GPATCH2: variants seen among roughly 807,000 people sequenced by gnomAD.
GPATCH2 encodes G-patch domain containing 2.
Under a neutral mutation model 58.0 loss-of-function variants are expected in GPATCH2, and 51 were observed. That is an observed-to-expected ratio of 0.88 (90% CI 0.70 to 1.11). The LOEUF (loss-of-function observed/expected upper bound fraction) is 1.11, where lower values mean the gene tolerates loss of function less well. Among genes scored for constraint, GPATCH2 ranks in the 50% most tolerant of loss-of-function variants. The pLI, the probability that GPATCH2 is intolerant of heterozygous loss-of-function variation, is 0.00. For missense variants in GPATCH2, 625 were observed against 652.2 expected, an observed-to-expected ratio of 0.96 and a Z score of 0.45; for synonymous variants, 222 against 218.5, an observed-to-expected ratio of 1.02 and a Z score of -0.14.
chr1:217,543,363 A>G (rs377716890), intron 5 of GPATCH2, among the ~76,000 whole-genome samples: 78 of 137,490 alleles, frequency 5.7e-4, no homozygotes, highest in Non-Finnish European at 9.6e-4. Context: ...TCCGCCTCCC[A>G]GGTTCACGCC....
rs552643554 is a variant in GPATCH2 at position 217,523,561 on chromosome 1, C to T, written c.1099-8672G>A. Among the ~76,000 whole-genome samples the T allele has an allele frequency of 5.3e-5, 8 of 151,766 alleles. No homozygotes were observed. In the South Asian group the frequency reaches 1.7e-3, roughly 31 times the overall value. On this transcript the variant is annotated intron_variant, in intron 5 of 9. Coordinates refer to ENST00000366935, the MANE Select transcript of GPATCH2 (RefSeq NM_018040.5). Reference sequence around the variant, plus strand: ...AGTACAGAACAAAATGAAAAGTCTCCCATGTCTACCTCTTTCTACACAGAC... The same window carrying T: ...AGTACAGAACAAAATGAAAAGTCTCTCATGTCTACCTCTTTCTACACAGAC...
At chr1:217,612,771 T>C (rs997076641) in intron 3 of GPATCH2, among the ~76,000 whole-genome samples, 2 of 152,198 alleles carry the variant, frequency 1.3e-5, no homozygotes, top group Non-Finnish European at 2.9e-5. Flanking sequence ...ATTAAGAACT[T>C]GCTCTGAAAT....
At chr1:217,489,251 G>T (rs1661602959) in intron 8 of GPATCH2, among the ~76,000 whole-genome samples, 1 of 151,788 alleles carries the variant, frequency 6.6e-6, no homozygotes, top group Non-Finnish European at 1.5e-5. Flanking sequence ...TTTAAAAAAT[G>T]GATTATTTGA....
Position 217,602,081 on chromosome 1 carries a change from T to C in GPATCH2, c.1098+8240A>G, listed in dbSNP as rs1271804746. On this transcript the variant is annotated intron_variant, in intron 5 of 9. Coordinates refer to ENST00000366935, the MANE Select transcript of GPATCH2 (RefSeq NM_018040.5). ...CATGGATCTTAGCCTCCTGATATAG[T>C]CTTAACTTGTAGTTACCTAATGTAC... is the stretch of plus-strand genomic sequence containing the variant. Among the ~76,000 whole-genome samples the C allele has an allele frequency of 2.0e-5, 3 of 152,172 alleles. No homozygotes were observed. In the East Asian group the frequency reaches 5.8e-4, roughly 29 times the overall value.
At chr1:217,525,338 C>T (rs1439918324) in intron 5 of GPATCH2, among the ~76,000 whole-genome samples, 1 of 152,088 alleles carries the variant, frequency 6.6e-6, no homozygotes, top group Non-Finnish European at 1.5e-5. Flanking sequence ...TTATTATTAT[C>T]CTGAAATACA....
intron 6 of GPATCH2, among the ~76,000 whole-genome samples, chr1:217,499,153 G>A (rs531263194): frequency 1.3e-5 from 2 of 152,110 alleles, no homozygotes; most frequent in Non-Finnish European, 2.9e-5. Flanking sequence ...CAAGGACTAG[G>A]AGATTGAGAG....
chr1:217,585,754 C>A (rs111792597), intron 5 of GPATCH2, among the ~76,000 whole-genome samples: 4 of 152,236 alleles, frequency 2.6e-5, no homozygotes, highest in Non-Finnish European at 4.4e-5. Flanking sequence ...TTGCTTAACA[C>A]CAGGGATACA....
At chr1:217,540,559 CAATA>C (rs1300781329) in intron 5 of GPATCH2, among the ~76,000 whole-genome samples, 2 of 152,138 alleles carry the variant, frequency 1.3e-5, no homozygotes, top group Non-Finnish European at 2.9e-5. Context: ...CCTTTCGAAA[CAATA>C]AAACCATTTT....
chr1:217,533,252 A>G (rs1346289457), intron 5 of GPATCH2, among the ~76,000 whole-genome samples: 3 of 152,084 alleles, frequency 2.0e-5, no homozygotes, highest in Non-Finnish European at 4.4e-5. Context: ...TTATACTCTT[A>G]AAAATGATGG....
intron 5 of GPATCH2, among the ~76,000 whole-genome samples, chr1:217,591,980 T>C (rs1667616512): frequency 6.8e-6 from 1 of 147,142 alleles, no homozygotes; most frequent in Non-Finnish European, 1.5e-5. Flanking sequence ...AAATGAGTAA[T>C]ATATTTTATA....
At chr1:217,576,425 A>T (rs1413114730) in intron 5 of GPATCH2, among the ~76,000 whole-genome samples, 1 of 152,172 alleles carries the variant, frequency 6.6e-6, no homozygotes, top group Non-Finnish European at 1.5e-5. Flanking sequence ...GTGTTTTCCA[A>T]TTTTGGTTGA....
At chr1:217,454,157 A>G (rs543113658) in intron 8 of GPATCH2, among the ~76,000 whole-genome samples, 49 of 152,298 alleles carry the variant, frequency 3.2e-4, no homozygotes, top group African/African-American at 8.9e-4. Context: ...TGGTGTCAAT[A>G]TGTCTCAACG....
chr1:217,491,801 A>G lies in GPATCH2; in HGVS notation c.1207-51T>C, dbSNP rs760156271. The G allele has an allele frequency of 1.0e-5, 7 of 692,412 alleles. No individual in the cohort carries two copies. The African/African-American group carries it at 1.3e-4, about 13-fold the overall frequency. 42.9% of individuals were successfully genotyped at this position (692,412 alleles called of 1,614,324 possible). ...ATAGAAACAAAAATATTTTCATTATATTATTTTGCAAGTAGGAAAATATTC... is the reference window on the plus strand; with the variant it reads ...ATAGAAACAAAAATATTTTCATTATGTTATTTTGCAAGTAGGAAAATATTC... On this transcript the variant is annotated intron_variant, in intron 7 of 9. Coordinates refer to ENST00000366935, the MANE Select transcript of GPATCH2 (RefSeq NM_018040.5).
chr1:217,517,909 AC>A (rs1663247518), intron 5 of GPATCH2, among the ~76,000 whole-genome samples: 1 of 152,132 alleles, frequency 6.6e-6, no homozygotes, highest in African/African-American at 2.4e-5. Context: ...TTCATGAGAA[AC>A]AGTATCTCCA....
intron 2 of GPATCH2, among the ~76,000 whole-genome samples, chr1:217,615,962 T>A (rs1018139323): frequency 6.6e-6 from 1 of 152,026 alleles, no homozygotes; most frequent in Non-Finnish European, 1.5e-5. Context: ...CTTTTCAAAA[T>A]AAAACAAGTT....
chr1:217,574,625 T>C (rs1282630148), intron 5 of GPATCH2, among the ~76,000 whole-genome samples: 1 of 152,180 alleles, frequency 6.6e-6, no homozygotes, highest in East Asian at 1.9e-4. Context: ...GTGATGGAAC[T>C]GTCATGTTGC....
At chr1:217,467,526 T>C (rs1660519108) in intron 8 of GPATCH2, among the ~76,000 whole-genome samples, 1 of 152,154 alleles carries the variant, frequency 6.6e-6, no homozygotes, top group Admixed American at 6.5e-5. Flanking sequence ...ATGGTGATTC[T>C]GAGATTGCTG....
At chr1:217,526,987 G>A (rs892622598) in intron 5 of GPATCH2, among the ~76,000 whole-genome samples, 1 of 152,282 alleles carries the variant, frequency 6.6e-6, no homozygotes, top group South Asian at 2.1e-4. Context: ...AGCCCCAGAT[G>A]GGACTGTTTA....
intron 9 of GPATCH2, among the ~76,000 whole-genome samples, chr1:217,433,397 T>TATA (rs1209451941): frequency 6.3e-5 from 5 of 79,120 alleles, no homozygotes; most frequent in Non-Finnish European, 1.5e-4. Flanking sequence ...TATTTATTTA[T>TATA]TTATTTATTT....
Sources: gnomAD v4.1 joint callset for allele counts (sites outside exome capture counted in the v4.1 genomes callset) on GRCh38, gnomAD v4.1.1 for gene constraint, MANE v1.5 for transcripts, NCBI Gene and HGNC (gene_info 2026-07-23, HGNC 2026-07-21) for gene names.